The following PHKB variants were observed in gnomAD, a reference collection of about 807,000 sequenced individuals.
The protein encoded by PHKB is phosphorylase kinase regulatory subunit beta.
In PHKB, 122 loss-of-function variants were observed where a neutral mutation model predicts 152.1. The ratio of observed to expected loss-of-function variants is 0.80; its 90% CI spans 0.69 to 0.93. PHKB has a LOEUF of 0.93. Ranked by LOEUF, PHKB falls within the 40% of genes least tolerant of loss-of-function variation. The pLI, the probability that PHKB is intolerant of heterozygous loss-of-function variation, is 0.00. For missense variants in PHKB, 1,304 were observed against 1,328.4 expected, an observed-to-expected ratio of 0.98 and a Z score of 0.29; for synonymous variants, 436 against 464.9, an observed-to-expected ratio of 0.94 and a Z score of 0.80.
chr16:47,553,757 C>G (rs1282184241), intron 7 of PHKB, among the ~76,000 whole-genome samples: 1 of 152,258 alleles, frequency 6.6e-6, no homozygotes, highest in South Asian at 2.1e-4. Context: ...GATGCTATTC[C>G]TTTCTGTTTA....
chr16:47,690,050 C>G (rs1447279019), intron 27 of PHKB, among the ~76,000 whole-genome samples: 1 of 152,132 alleles, frequency 6.6e-6, no homozygotes, highest in African/African-American at 2.4e-5. Flanking sequence ...TATAAAGCCT[C>G]TGTAATTAAA....
chr16:47,617,631 C>T (rs531561299), intron 14 of PHKB, among the ~76,000 whole-genome samples: 1 of 152,190 alleles, frequency 6.6e-6, no homozygotes, highest in African/African-American at 2.4e-5. Context: ...TTCTTTCCTC[C>T]CACTGGTTAT....
intron 15 of PHKB, 141 bp from the exon 16 acceptor site, chr16:47,641,458 T>C (rs2151726559): frequency 3.0e-6 from 2 of 660,864 alleles, no homozygotes; most frequent in South Asian, 1.7e-5. Flanking sequence ...TGAAATCTAG[T>C]GCAGATGGCA....
chr16:47,608,474 A>G (rs1486786309), intron 13 of PHKB, among the ~76,000 whole-genome samples: 4 of 152,186 alleles, frequency 2.6e-5, no homozygotes, highest in African/African-American at 7.2e-5. Context: ...TGTAATCCCA[A>G]CACTTTTGGA....
intron 14 of PHKB, among the ~76,000 whole-genome samples, chr16:47,631,114 A>G (rs1972818183): frequency 1.3e-5 from 2 of 152,248 alleles, no homozygotes; most frequent in Middle Eastern, 3.4e-3. Context: ...GCCAATCCAT[A>G]TGATAAATCT....
chr16:47,510,788 C>G (rs1225186757), intron 4 of PHKB, among the ~76,000 whole-genome samples: 1 of 152,062 alleles, frequency 6.6e-6, no homozygotes, highest in African/African-American at 2.4e-5. Flanking sequence ...TGAAACAAAG[C>G]AAGAATGCAA....
intron 14 of PHKB, among the ~76,000 whole-genome samples, chr16:47,639,560 C>T (rs1231179623): frequency 6.6e-6 from 1 of 152,160 alleles, no homozygotes; most frequent in East Asian, 1.9e-4. Context: ...AGTCCCCTAA[C>T]TAGATGCTCA....
intron 13 of PHKB, among the ~76,000 whole-genome samples, chr16:47,601,885 A>G (rs1020855381): frequency 1.3e-5 from 2 of 152,216 alleles, no homozygotes; most frequent in Non-Finnish European, 2.9e-5. Context: ...GGTGAATACA[A>G]TAATTTTTTT....
At chr16:47,688,209 G>T (rs769683490) in intron 26 of PHKB, among the ~76,000 whole-genome samples, 32 of 152,268 alleles carry the variant, frequency 2.1e-4, no homozygotes, top group Admixed American at 1.2e-3. Context: ...TGAAGCATAG[G>T]AATCTGCTGT....
intron 1 of PHKB, chr16:47,462,915 T>C: frequency 6.6e-6 from 1 of 152,546 alleles, no homozygotes; most frequent in East Asian, 1.9e-4. Context: ...TCCTTAGTAC[T>C]ACTAAGAATC....
At chr16:47,519,327 A>C (rs1490754371) in intron 6 of PHKB, among the ~76,000 whole-genome samples, 1 of 152,242 alleles carries the variant, frequency 6.6e-6, no homozygotes, top group Non-Finnish European at 1.5e-5. Context: ...ACTTAGTTTA[A>C]AAGATTAAAC....
intron 7 of PHKB, chr16:47,565,106 T>G: frequency 2.0e-6 from 1 of 500,870 alleles, no homozygotes; most frequent in Non-Finnish European, 3.9e-6. Flanking sequence ...TTCTCCCTCG[T>G]TTTCATTTTC....
At chr16:47,540,890 C>T (rs1340562354) in intron 6 of PHKB, among the ~76,000 whole-genome samples, 8 of 132,892 alleles carry the variant, frequency 6.0e-5, no homozygotes, top group Admixed American at 1.8e-4. Flanking sequence ...GGCAATGGGG[C>T]GATCTTGGCT....
At chr16:47,623,557 A>ATTTTTTTTT (rs35402802) in intron 14 of PHKB, among the ~76,000 whole-genome samples, 29 of 86,254 alleles carry the variant, frequency 3.4e-4, no homozygotes, top group East Asian at 6.8e-4. Context: ...GACAGTTTTG[A>ATTTTTTTTT]TTTTTTTTTT....
intron 6 of PHKB, among the ~76,000 whole-genome samples, chr16:47,534,774 T>C (rs1351393073): frequency 6.6e-6 from 1 of 152,224 alleles, no homozygotes; most frequent in Non-Finnish European, 1.5e-5. Context: ...ATGAATCCTG[T>C]GCTATGGTGC....
chr16:47,521,579 C>T (rs181729145), intron 6 of PHKB, among the ~76,000 whole-genome samples: 74 of 151,826 alleles, frequency 4.9e-4, no homozygotes, highest in Admixed American at 3.5e-3. Context: ...TGCTTGAACC[C>T]GGGAGGCGGA....
chr16:47,466,757 G>T (rs1233453942), intron 1 of PHKB, among the ~76,000 whole-genome samples: 1 of 151,562 alleles, frequency 6.6e-6, no homozygotes, highest in Non-Finnish European at 1.5e-5. Context: ...GCCTGATATT[G>T]TTTTTTTTAA....
At chr16:47,485,908 A>G (rs1157677888) in intron 1 of PHKB, among the ~76,000 whole-genome samples, 2 of 151,984 alleles carry the variant, frequency 1.3e-5, no homozygotes, top group East Asian at 3.9e-4. Flanking sequence ...GGCGTGAGCC[A>G]CTGTGCCTGG....
rs114871651 is a variant in PHKB at position 47,695,481 on chromosome 16, A to G, written c.2896-900A>G. ...CAATAGTTAGTTGTATTGAATATCTATTGAATATAGACTAAGGCATTATTA... is the reference window on the plus strand; with the variant it reads ...CAATAGTTAGTTGTATTGAATATCTGTTGAATATAGACTAAGGCATTATTA... On this transcript the variant is annotated intron_variant, in intron 28 of 30. Transcript: ENST00000323584. 7.1e-3 allele frequency among the ~76,000 whole-genome samples: 1,082 copies of G among 152,334 alleles called. 16 individuals carry two copies. Among genetic ancestry groups the G allele is most frequent in the African/African-American group, 0.025 (1,037 of 41,574 alleles).
Sources: gnomAD v4.1 joint callset for allele counts (sites outside exome capture counted in the v4.1 genomes callset) on GRCh38, gnomAD v4.1.1 for gene constraint, MANE v1.5 for transcripts, NCBI Gene and HGNC (gene_info 2026-07-23, HGNC 2026-07-21) for gene names.